Variants in TMC7 observed in about 807,000 individuals in gnomAD.
TMC7 encodes the protein transmembrane channel-like protein 7.
TMC7 carries 54 observed loss-of-function variants against 82.9 expected under a neutral mutation model. The ratio of observed to expected loss-of-function variants is 0.65; its 90% CI spans 0.52 to 0.82. The LOEUF (loss-of-function observed/expected upper bound fraction) is 0.82, where lower values mean the gene tolerates loss of function less well. Among genes scored for constraint, TMC7 ranks in the 40% least tolerant of loss-of-function variants. TMC7 has a pLI of 0.00. For missense variants in TMC7, 820 were observed against 901.2 expected, an observed-to-expected ratio of 0.91 and a Z score of 1.15; for synonymous variants, 350 against 337.9, an observed-to-expected ratio of 1.04 and a Z score of -0.39.
At chr16:19,057,614 C>T (rs904761915) in intron 14 of TMC7, among the ~76,000 whole-genome samples, 3 of 152,368 alleles carry the variant, frequency 2.0e-5, no homozygotes, top group South Asian at 2.1e-4. Context: ...TCCAGGGCTC[C>T]AGCCGCTTCA....
intron 6 of TMC7, among the ~76,000 whole-genome samples, chr16:19,032,956 G>A (rs930972064): frequency 3.3e-5 from 5 of 152,096 alleles, no homozygotes; most frequent in African/African-American, 4.8e-5. Context: ...GTTGCACAGC[G>A]AATCTACCTG....
At chr16:19,038,184 G>C in intron 8 of TMC7, 137 bp downstream of exon 8, 1 of 839,070 alleles carries the variant, frequency 1.2e-6, no homozygotes, top group Non-Finnish European at 1.8e-6. Flanking sequence ...AATCAGAGGT[G>C]ATCAGTTTCC....
At chr16:19,022,335 A>G (rs949164381) in intron 4 of TMC7, among the ~76,000 whole-genome samples, 36 of 152,240 alleles carry the variant, frequency 2.4e-4, no homozygotes, top group Non-Finnish European at 1.2e-4. Flanking sequence ...AATATATATG[A>G]CATTTCTAAA....
intron 8 of TMC7, among the ~76,000 whole-genome samples, chr16:19,038,556 G>A (rs551883548): frequency 2.6e-5 from 4 of 151,292 alleles, no homozygotes; most frequent in African/African-American, 4.9e-5. Context: ...TCACTCTGTC[G>A]CTCAGGCTGA....
chr16:19,031,876 C>T (rs571517438), intron 6 of TMC7, among the ~76,000 whole-genome samples: 179 of 152,170 alleles, frequency 1.2e-3, no homozygotes, highest in African/African-American at 4.0e-3. Context: ...GAGAACCATG[C>T]GGATGGTATT....
intron 2 of TMC7, among the ~76,000 whole-genome samples, chr16:19,014,166 G>A (rs373971809): frequency 6.6e-5 from 10 of 152,068 alleles, no homozygotes; most frequent in East Asian, 3.9e-4. Flanking sequence ...ACACCTGGCC[G>A]CACTCTTGCT....
intron 6 of TMC7, among the ~76,000 whole-genome samples, chr16:19,035,198 C>T (rs1199363081): frequency 6.6e-6 from 1 of 152,186 alleles, no homozygotes; most frequent in Non-Finnish European, 1.5e-5. Context: ...ACCGCATGTT[C>T]TCACTTATTA....
At chr16:19,028,915 A>G (rs1430874350) in intron 5 of TMC7, among the ~76,000 whole-genome samples, 2 of 151,978 alleles carry the variant, frequency 1.3e-5, no homozygotes, top group African/African-American at 2.4e-5. Flanking sequence ...CGGCCTCCCA[A>G]GGTTCTGGGA....
intron 12 of TMC7, 25 bp from the exon 13 acceptor site, chr16:19,051,661 T>C (rs1961546591): frequency 1.2e-6 from 2 of 1,611,534 alleles, no homozygotes; most frequent in South Asian, 1.1e-5. Context: ...TTGATCTTAA[T>C]TTTTCTTTCT....
chr16:19,005,831 G>C (rs2039230156), intron 1 of TMC7, among the ~76,000 whole-genome samples: 1 of 152,158 alleles, frequency 6.6e-6, no homozygotes, highest in Non-Finnish European at 1.5e-5. Flanking sequence ...GCCACTAATG[G>C]AAGTGTGTCA....
chr16:19,014,444 G>A (rs942642333), intron 2 of TMC7, among the ~76,000 whole-genome samples: 1 of 152,172 alleles, frequency 6.6e-6, no homozygotes, highest in African/African-American at 2.4e-5. Context: ...ACAGCACTGC[G>A]AGGCTCGTTT....
intron 10 of TMC7, 21 bp from the exon 11 acceptor site, chr16:19,045,320 C>T (rs772805946): frequency 1.9e-6 from 3 of 1,599,632 alleles, no homozygotes; most frequent in Non-Finnish European, 2.6e-6. Context: ...TTTCAGTTTC[C>T]CTCACTCTCT....
intron 6 of TMC7, among the ~76,000 whole-genome samples, chr16:19,034,157 T>TA (rs901160108): frequency 7.2e-5 from 11 of 152,230 alleles, no homozygotes; most frequent in Admixed American, 7.2e-4. Flanking sequence ...AGTTGCATGT[T>TA]AACCAAAGTA....
Position 19,050,792 on chromosome 16 carries a change from C to T in TMC7, c.1741-894C>T, listed in dbSNP as rs528479210. On this transcript the variant is annotated intron_variant, in intron 12 of 15. Coordinates refer to ENST00000304381, the MANE Select transcript of TMC7 (RefSeq NM_024847.4). ...CTGGGATTACAGGCGTGAGCCACCA[C>T]GCCCGGCCTCATCCTTCTTTAGGAC... Among the ~76,000 whole-genome samples the T allele has an allele frequency of 4.6e-5, 7 of 152,252 alleles. No homozygotes were observed. The South Asian group carries it at 8.3e-4, about 18-fold the overall frequency.
rs978409558 is a variant in TMC7 at position 19,063,910 on chromosome 16, T to G, written c.*2067T>G. The G allele has an allele frequency of 2.6e-5, 4 of 152,180 alleles. No individual in the cohort carries two copies. The highest frequency in any genetic ancestry group is 5.9e-5 in the Non-Finnish European group (4 of 68,052). The allele number at this position is 152,180 out of a possible 1,614,324, so 9.4% of individuals were successfully genotyped here. On this transcript the variant is annotated 3_prime_UTR_variant, in exon 16 of 16. Transcript: ENST00000304381. ...CTCTCTAACAAATGTGCCTTACAAC[T>G]CCTGATTAAACGGCGTCTTGAAGGT...
At chr16:18,996,822 C>A (rs1047428336) in intron 1 of TMC7, among the ~76,000 whole-genome samples, 1 of 152,140 alleles carries the variant, frequency 6.6e-6, no homozygotes, top group Non-Finnish European at 1.5e-5. Flanking sequence ...GGCATCCCTG[C>A]GGTGATCAGA....
At chr16:19,037,773 A>G (rs1960822499) in intron 7 of TMC7, 101 bp from the exon 8 acceptor site, 1 of 1,303,320 alleles carries the variant, frequency 7.7e-7, no homozygotes, top group Non-Finnish European at 1.1e-6. Flanking sequence ...ATGCCTGGCT[A>G]GAACTCTTAA....
chr16:19,014,288 C>G (rs1959555350), intron 2 of TMC7, among the ~76,000 whole-genome samples: 1 of 152,244 alleles, frequency 6.6e-6, no homozygotes, highest in African/African-American at 2.4e-5. Flanking sequence ...GCATGTCCCC[C>G]TCCCCCAAGT....
At chr16:18,987,009 C>T (rs1185171425) in intron 1 of TMC7, among the ~76,000 whole-genome samples, 1 of 151,922 alleles carries the variant, frequency 6.6e-6, no homozygotes, top group African/African-American at 2.4e-5. Context: ...GTTTCACCGT[C>T]TTAGCCAGGA....
Sources: gnomAD v4.1 joint callset for allele counts (sites outside exome capture counted in the v4.1 genomes callset) on GRCh38, gnomAD v4.1.1 for gene constraint, MANE v1.5 for transcripts, NCBI Gene and HGNC (gene_info 2026-07-23, HGNC 2026-07-21) for gene names.